The following SLCO3A1 variants were observed in gnomAD, a reference collection of about 807,000 sequenced individuals.
SLCO3A1 encodes the protein solute carrier organic anion transporter family member 3A1.
SLCO3A1 carries 27 observed loss-of-function variants against 63.1 expected under a neutral mutation model. The observed-to-expected ratio is 0.43, with a 90% CI of 0.32 to 0.59. The LOEUF is 0.59. Ranked by LOEUF, SLCO3A1 falls within the 20% of genes least tolerant of loss-of-function variation. SLCO3A1 has a pLI of 0.09. For synonymous variants in SLCO3A1, 473 were observed against 409.9 expected (o/e 1.15, Z -1.86); for missense variants, 773 against 945.8 (o/e 0.82, Z 2.40).
chr15:91,856,687 C>T lies in SLCO3A1; in HGVS notation c.180+2599C>T, dbSNP rs76672250. Among the ~76,000 whole-genome samples the T allele has an allele frequency of 0.016, 2,473 of 152,248 alleles. 62 individuals are homozygous for T. Among genetic ancestry groups the T allele is most frequent in the East Asian group, 0.074 (384 of 5,180 alleles). ...GTCCACGTGCTAAGTGTGCGTTATACGTGATCCTTACCTTGGCAATCAGCC... is the reference window on the plus strand; with the variant it reads ...GTCCACGTGCTAAGTGTGCGTTATATGTGATCCTTACCTTGGCAATCAGCC... On this transcript the variant is annotated intron_variant, in intron 1 of 9. Transcript: ENST00000318445. This position sits in a 1 kb window ranked among gnomAD's most constrained non-coding sequence, Gnocchi z 4.9.
chr15:92,073,453 A>T (rs896099335), intron 2 of SLCO3A1, among the ~76,000 whole-genome samples: 3 of 152,310 alleles, frequency 2.0e-5, no homozygotes, highest in African/African-American at 7.2e-5. Flanking sequence ...AGAGCTCTAG[A>T]ATTGTAGGGT....
chr15:91,863,933 C>G lies in SLCO3A1; in HGVS notation c.180+9845C>G, dbSNP rs908699949. Among the ~76,000 whole-genome samples the G allele has an allele frequency of 6.6e-6, 1 of 152,204 alleles. No homozygotes were observed. The highest frequency in any genetic ancestry group is 2.4e-5 in the African/African-American group (1 of 41,448). The stretch of plus-strand genomic sequence containing the variant: ...TGGAAACAAAAACCATAAATTAGCA[C>G]CATTCCTTTACCTTTGCCAAGCTGT... On this transcript the variant is annotated intron_variant, in intron 1 of 9. Coordinates refer to ENST00000318445, the MANE Select transcript of SLCO3A1 (RefSeq NM_013272.4). The surrounding 1 kb of genome is among the most constrained non-coding windows in gnomAD (Gnocchi z 4.3).
intron 7 of SLCO3A1, among the ~76,000 whole-genome samples, chr15:92,131,791 G>C (rs1033454308): frequency 6.9e-6 from 1 of 145,616 alleles, no homozygotes; most frequent in Non-Finnish European, 1.5e-5. Flanking sequence ...TTATCTCTCA[G>C]GGCTGTCTCT....
chr15:92,059,434 TC>T (rs1433346237), intron 2 of SLCO3A1, among the ~76,000 whole-genome samples: 1 of 152,134 alleles, frequency 6.6e-6, no homozygotes, highest in East Asian at 1.9e-4. Flanking sequence ...AGTGTCACAT[TC>T]CCCATGCTTC....
chr15:92,034,489 G>T (rs1041323812), intron 2 of SLCO3A1, among the ~76,000 whole-genome samples: 1 of 151,624 alleles, frequency 6.6e-6, no homozygotes, highest in Non-Finnish European at 1.5e-5. Flanking sequence ...TGCGAGGCTG[G>T]GCGAGATGGT....
chr15:92,035,163 G>A (rs2046708931), intron 2 of SLCO3A1, among the ~76,000 whole-genome samples: 2 of 151,806 alleles, frequency 1.3e-5, no homozygotes. Flanking sequence ...CATGTACAGG[G>A]TCAGCCTTCT....
At chr15:92,063,124 G>T (rs541822263) in intron 2 of SLCO3A1, among the ~76,000 whole-genome samples, 2 of 152,222 alleles carry the variant, frequency 1.3e-5, no homozygotes, top group Non-Finnish European at 1.5e-5. Context: ...AGGCTAGAGG[G>T]AATTTATCCC....
chr15:92,156,805 T>C (rs958637756), intron 9 of SLCO3A1, among the ~76,000 whole-genome samples: 1 of 152,218 alleles, frequency 6.6e-6, no homozygotes, highest in African/African-American at 2.4e-5. Flanking sequence ...ACAGATATCT[T>C]TTTAAATGTA....
intron 2 of SLCO3A1, among the ~76,000 whole-genome samples, chr15:92,027,989 G>A (rs930829826): frequency 6.6e-6 from 1 of 152,152 alleles, no homozygotes; most frequent in Non-Finnish European, 1.5e-5. Context: ...CACAGCGTTC[G>A]GCTCAATCTG....
intron 2 of SLCO3A1, among the ~76,000 whole-genome samples, chr15:92,072,141 G>T (rs1190284066): frequency 6.6e-6 from 1 of 151,856 alleles, no homozygotes; most frequent in Non-Finnish European, 1.5e-5. Context: ...CAAAATGGAG[G>T]CCTTTTGGAA....
At chr15:92,037,133 A>G (rs2046737948) in intron 2 of SLCO3A1, among the ~76,000 whole-genome samples, 1 of 152,170 alleles carries the variant, frequency 6.6e-6, no homozygotes, top group Admixed American at 6.5e-5. Context: ...AAGCCCCCTA[A>G]CAGGTTTGAT....
intron 2 of SLCO3A1, among the ~76,000 whole-genome samples, chr15:91,975,482 C>G (rs1176611271): frequency 6.6e-6 from 1 of 152,222 alleles, no homozygotes; most frequent in Non-Finnish European, 1.5e-5. Context: ...CAGACTGAGT[C>G]AGCTGTCATG....
At chr15:92,051,092 C>T (rs1045719889) in intron 2 of SLCO3A1, among the ~76,000 whole-genome samples, 1 of 152,188 alleles carries the variant, frequency 6.6e-6, no homozygotes, top group South Asian at 2.1e-4. Context: ...AGTATTATTA[C>T]CTACAATTTT....
At chr15:91,946,849 G>A (rs1409177224) in intron 2 of SLCO3A1, among the ~76,000 whole-genome samples, 5 of 152,184 alleles carry the variant, frequency 3.3e-5, no homozygotes, top group Non-Finnish European at 7.3e-5. Flanking sequence ...GCAGGTCGGC[G>A]TCCTTCTGCA....
chr15:91,959,535 G>A (rs1900359007), intron 2 of SLCO3A1, among the ~76,000 whole-genome samples: 1 of 151,800 alleles, frequency 6.6e-6, no homozygotes, highest in African/African-American at 2.4e-5. Flanking sequence ...TTTGAGACAA[G>A]CCTGGCCAGC....
intron 7 of SLCO3A1, 77 bp from the exon 8 acceptor site, chr15:92,146,907 G>T: frequency 7.4e-7 from 1 of 1,354,472 alleles, no homozygotes; most frequent in Non-Finnish European, 1.0e-6. Context: ...GGCTGTGACA[G>T]ATTCAGCTGA....
Position 92,164,190 on chromosome 15 carries a change from TCTC to T in SLCO3A1, c.*1058_*1060del. 3 of 985,344 alleles carry T rather than the reference TCTC, an allele frequency of 3.0e-6. No homozygotes were observed. The highest frequency in any genetic ancestry group is 2.4e-6 in the Non-Finnish European group (2 of 829,864). 61.0% of individuals were successfully genotyped at this position (985,344 alleles called of 1,614,324 possible). A position where few individuals can be genotyped will look rare whatever the true frequency, so the allele number is the denominator to read the frequency against. On this transcript the variant is annotated 3_prime_UTR_variant, in exon 10 of 10. Coordinates refer to ENST00000318445, the MANE Select transcript of SLCO3A1 (RefSeq NM_013272.4). Reference sequence around the variant, plus strand: ...TTATGCTGGTTGCTTTTACTTTTTTTCTCCTTTTTTAATGCACCAAAAATATGT... The same window carrying T: ...TTATGCTGGTTGCTTTTACTTTTTTTCTTTTTTAATGCACCAAAAATATGT...
At chr15:91,874,563 T>C (rs1597078096) in intron 1 of SLCO3A1, among the ~76,000 whole-genome samples, 1 of 152,256 alleles carries the variant, frequency 6.6e-6, no homozygotes, top group Non-Finnish European at 1.5e-5. Flanking sequence ...AGTTGGGGGC[T>C]GGGTCAGAAT....
rs144719511 is a variant in SLCO3A1, at chr15:92,124,132, C to G, written c.1175-1929C>G. Among the ~76,000 whole-genome samples, 166 of 152,318 alleles carry G rather than the reference C, an allele frequency of 1.1e-3. 3 individuals carry two copies. The East Asian group carries it at 0.019, about 18-fold the overall frequency. ...ATCCCAGAGCATCAGCACTGGCCCC[C>G]CTTCCACCCCTTGCAAAGTCATCAG... On this transcript the variant is annotated intron_variant, in intron 5 of 9. Coordinates refer to ENST00000318445, the MANE Select transcript of SLCO3A1 (RefSeq NM_013272.4).
Sources: gnomAD v4.1 joint callset for allele counts (sites outside exome capture counted in the v4.1 genomes callset) on GRCh38, gnomAD v4.1.1 for gene constraint, Gnocchi (gnomAD v3.1) non-coding constraint, MANE v1.5 for transcripts, NCBI Gene and HGNC (gene_info 2026-07-23, HGNC 2026-07-21) for gene names.